Variants in RABGAP1L observed in about 807,000 individuals in gnomAD.
The protein encoded by RABGAP1L is rab GTPase-activating protein 1-like.
In RABGAP1L, 63 loss-of-function variants were observed where a neutral mutation model predicts 137.7. That is an observed-to-expected ratio of 0.46 (90% CI 0.37 to 0.56). The LOEUF is 0.56. RABGAP1L is among the 20% of genes least tolerant of loss of function. RABGAP1L has a pLI of 0.00. For missense variants in RABGAP1L, 1,095 were observed against 1,244.0 expected (o/e 0.88, Z 1.80); for synonymous variants, 431 against 433.7 (o/e 0.99, Z 0.08).
At chr1:174,949,840 G>T (rs1667449788) in intron 19 of RABGAP1L, among the ~76,000 whole-genome samples, 1 of 152,144 alleles carries the variant, frequency 6.6e-6, no homozygotes, top group Non-Finnish European at 1.5e-5. Flanking sequence ...AAATGAACAG[G>T]TAAGCAGATT....
chr1:174,414,674 A>AAAG (rs1275208650), intron 13 of RABGAP1L, among the ~76,000 whole-genome samples: 1 of 152,138 alleles, frequency 6.6e-6, no homozygotes, highest in Non-Finnish European at 1.5e-5. Flanking sequence ...TTAAAGTTAC[A>AAAG]AATTTTGGTA....
At chr1:174,449,041 T>C (rs143410373) in intron 13 of RABGAP1L, 28,407 of 1,613,894 alleles carry the variant, frequency 0.018, 342 homozygotes, top group Middle Eastern at 0.026. Flanking sequence ...TAAGTAATAG[T>C]TTTTGTAACT....
intron 1 of RABGAP1L, among the ~76,000 whole-genome samples, chr1:174,209,332 T>C (rs1668710176): frequency 6.6e-6 from 1 of 152,104 alleles, no homozygotes; most frequent in South Asian, 2.1e-4. Context: ...TAGATGGTAT[T>C]TCTGGACCTG....
intron 22 of RABGAP1L, among the ~76,000 whole-genome samples, chr1:174,978,225 G>A (rs759047151): frequency 6.6e-6 from 1 of 152,124 alleles, no homozygotes; most frequent in Admixed American, 6.5e-5. Context: ...TTCAGTGACT[G>A]TAACAGGTAC....
At chr1:174,506,101 A>G (rs961259428) in intron 13 of RABGAP1L, among the ~76,000 whole-genome samples, 1 of 152,240 alleles carries the variant, frequency 6.6e-6, no homozygotes, top group Non-Finnish European at 1.5e-5. Flanking sequence ...AACTCATAGA[A>G]ACAAAGTAAA....
At chr1:174,660,448 C>T (rs1319094541) in intron 14 of RABGAP1L, among the ~76,000 whole-genome samples, 1 of 152,208 alleles carries the variant, frequency 6.6e-6, no homozygotes, top group Non-Finnish European at 1.5e-5. Flanking sequence ...GGAAATCTTA[C>T]TGACTCCACC....
chr1:174,713,460 T>C (rs998218274), intron 17 of RABGAP1L, among the ~76,000 whole-genome samples: 1 of 152,216 alleles, frequency 6.6e-6, no homozygotes, highest in Admixed American at 6.5e-5. Flanking sequence ...GGCAGATCTT[T>C]CATGAATGGT....
intron 11 of RABGAP1L, among the ~76,000 whole-genome samples, chr1:174,319,854 T>C (rs766605796): frequency 6.1e-4 from 93 of 152,316 alleles, no homozygotes; most frequent in Non-Finnish European, 1.1e-3. Context: ...TTTTTGAATG[T>C]TCCTCTGCGG....
At position 174,660,887 on chromosome 1, in the gene RABGAP1L, T is replaced by C. The variant is rs534519167; in HGVS notation, c.1825-22635T>C. ...CTCTGCTTTGTCACCGTTGCACTTA[T>C]TGCCTTCAAAGATACTATATACATT... On this transcript the variant is annotated intron_variant, in intron 14 of 25. Coordinates refer to ENST00000681986, the MANE Select transcript of RABGAP1L (RefSeq NM_001366446.1). Among the ~76,000 whole-genome samples the C allele has an allele frequency of 6.4e-4, 98 of 152,338 alleles. 1 individual carries two copies. Among genetic ancestry groups the C allele is most frequent in the Middle Eastern group, 3.4e-3 (1 of 294 alleles).
intron 18 of RABGAP1L, among the ~76,000 whole-genome samples, chr1:174,797,242 C>T (rs955733966): frequency 6.6e-6 from 1 of 152,040 alleles, no homozygotes; most frequent in Non-Finnish European, 1.5e-5. Flanking sequence ...CTTCCCTACC[C>T]TTTAAAAAGT....
At chr1:174,806,940 T>C (rs1172452337) in intron 18 of RABGAP1L, among the ~76,000 whole-genome samples, 3 of 152,052 alleles carry the variant, frequency 2.0e-5, no homozygotes, top group Non-Finnish European at 4.4e-5. Context: ...CGTGTGCCAC[T>C]ACGCCCGGCT....
At chr1:174,332,485 G>A (rs1322228853) in intron 11 of RABGAP1L, among the ~76,000 whole-genome samples, 2 of 151,860 alleles carry the variant, frequency 1.3e-5, no homozygotes, top group Admixed American at 6.6e-5. Context: ...CAACCTCTAC[G>A]TCTGGGTTCA....
intron 19 of RABGAP1L, among the ~76,000 whole-genome samples, chr1:174,867,165 G>A (rs898146803): frequency 6.6e-6 from 1 of 151,994 alleles, no homozygotes; most frequent in Non-Finnish European, 1.5e-5. Flanking sequence ...GCCGGATCAC[G>A]AGGTCAGGAG....
intron 17 of RABGAP1L, among the ~76,000 whole-genome samples, chr1:174,728,255 A>G (rs1346463821): frequency 6.6e-6 from 1 of 152,226 alleles, no homozygotes; most frequent in African/African-American, 2.4e-5. Context: ...AAAGCTAAAC[A>G]AATTAGCAAC....
chr1:174,274,542 A>G (rs1674808495), intron 8 of RABGAP1L, among the ~76,000 whole-genome samples: 1 of 151,992 alleles, frequency 6.6e-6, no homozygotes, highest in African/African-American at 2.4e-5. Flanking sequence ...TTCTATTTGC[A>G]TAAAGAAATC....
At chr1:174,166,093 T>C (rs946099203) in intron 1 of RABGAP1L, among the ~76,000 whole-genome samples, 3 of 152,224 alleles carry the variant, frequency 2.0e-5, no homozygotes, top group Non-Finnish European at 4.4e-5. Flanking sequence ...GATTAAAATA[T>C]GATCCAGAGA....
chr1:174,706,994 T>C (rs1439995834), intron 17 of RABGAP1L, among the ~76,000 whole-genome samples: 1 of 152,198 alleles, frequency 6.6e-6, no homozygotes, highest in East Asian at 1.9e-4. Flanking sequence ...TTATGAATAG[T>C]GCTCCGTGTG....
chr1:174,545,969 T>C (rs1353437323), intron 13 of RABGAP1L: 1 of 152,196 alleles, frequency 6.6e-6, no homozygotes, highest in African/African-American at 2.4e-5. Context: ...GCATCTATTT[T>C]AGCATTAAAG....
intron 13 of RABGAP1L, among the ~76,000 whole-genome samples, chr1:174,441,415 G>A (rs983652262): frequency 6.6e-6 from 1 of 152,080 alleles, no homozygotes; most frequent in African/African-American, 2.4e-5. Context: ...TCGGAAAAAA[G>A]TATGGTAAGA....
Sources: allele counts gnomAD v4.1 joint callset (sites outside exome capture counted in the v4.1 genomes callset), GRCh38; gene constraint gnomAD v4.1.1; transcripts MANE v1.5; gene names NCBI Gene and HGNC (gene_info 2026-07-23, HGNC 2026-07-21).